The following FBXO24 variants were observed in gnomAD, a reference collection of about 807,000 sequenced individuals.
FBXO24 encodes the protein F-box protein 24.
FBXO24 carries 30 observed loss-of-function variants against 63.5 expected under a neutral mutation model. That is an observed-to-expected ratio of 0.47 (90% confidence interval 0.35 to 0.64). The LOEUF is 0.64. FBXO24 is among the 30% of genes least tolerant of loss of function. The probability of loss-of-function intolerance (pLI) is 0.00; values close to 1 mark genes in which losing one functional copy is unlikely to be tolerated. For missense variants in FBXO24, 624 were observed against 763.4 expected (o/e 0.82, Z 2.15); for synonymous variants, 300 against 305.0 (o/e 0.98, Z 0.17).
chr7:100,586,348 A>T lies in FBXO24; in HGVS notation c.-278A>T. ...AGGATAGAGCGCTCGCCAACGGCCG[A>T]CGCTCCAGGCCGTCCCGCCCAGCGC... is the stretch of plus-strand genomic sequence containing the variant. On this transcript the variant is annotated 5_prime_UTR_variant, in exon 1 of 10. Transcript: ENST00000241071. The T allele has an allele frequency of 1.5e-6, 1 of 647,656 alleles. No homozygotes were observed. The highest frequency in any genetic ancestry group is 2.6e-6 in the Non-Finnish European group (1 of 380,704). The allele number at this position is 647,656 out of a possible 1,614,324, so 40.1% of individuals were successfully genotyped here.
At chr7:100,589,309 G>A in intron 1 of FBXO24, 1 of 886,854 alleles carries the variant, frequency 1.1e-6, no homozygotes. Flanking sequence ...GCTGAAATGT[G>A]AGGAATTCAC....
At chr7:100,598,284 G>C (rs1352566740) in intron 8 of FBXO24, among the ~76,000 whole-genome samples, 2 of 152,202 alleles carry the variant, frequency 1.3e-5, no homozygotes, top group Non-Finnish European at 2.9e-5. Context: ...AATAGTAGAT[G>C]GTGGGATTTC....
At position 100,600,567 on chromosome 7, in the gene FBXO24, AG is replaced by A; in HGVS notation, c.1414del (p.Glu472SerfsTer68). ...PLCACALCATRECLYILSSHD... is the reference protein window; with the variant it reads ...PLCACALCATXECLYILSSHD... The stretch of plus-strand genomic sequence containing the variant: ...GTGTGCCTGTGCCCTCTGTGCCACC[AG>A]GGAGTGCCTATACATCCTGTCCAGC... On this transcript the variant is annotated frameshift_variant, in exon 10 of 10. Transcript: ENST00000241071. LOFTEE classifies it high-confidence loss of function. The surrounding 1 kb of genome is among the most constrained non-coding windows in gnomAD (Gnocchi z 6.3). 1 of 1,586,980 alleles carries A rather than the reference AG, an allele frequency of 6.3e-7. No individual in the cohort carries two copies. Among genetic ancestry groups the A allele is most frequent in the Non-Finnish European group, 8.6e-7 (1 of 1,163,872 alleles).
In FBXO24 at chr7:100,599,916, C is replaced by T. The variant is rs1020532463; in HGVS notation, c.1207-115C>T. On this transcript the variant is annotated intron_variant, in intron 8 of 9. Transcript: ENST00000241071. ...CTGGGGCGTGGGACAGTGCTGGCTCCCATTTCCTCCTCCCCAGTTCATTCT... is the reference window on the plus strand; with the variant it reads ...CTGGGGCGTGGGACAGTGCTGGCTCTCATTTCCTCCTCCCCAGTTCATTCT... The T allele has an allele frequency of 4.1e-6, 5 of 1,219,030 alleles. No individual in the cohort carries two copies. The African/African-American group carries it at 6.0e-5, about 15-fold the overall frequency. The allele number at this position is 1,219,030 out of a possible 1,614,324, so 75.5% of individuals were successfully genotyped here.
intron 3 of FBXO24, 141 bp downstream of exon 3, chr7:100,590,498 A>G (rs988156829): frequency 9.4e-6 from 8 of 854,628 alleles, no homozygotes; most frequent in Non-Finnish European, 1.4e-5. Context: ...GTCCAGTTCA[A>G]ACATTCTCCC....
Position 100,600,267 on chromosome 7 carries a change from G to T in FBXO24, c.1377+66G>T. On this transcript the variant is annotated intron_variant, in intron 9 of 9. Transcript: ENST00000241071. This position sits in a 1 kb window ranked among gnomAD's most constrained non-coding sequence, Gnocchi z 6.3. ...AGAGCCATGAACCAGGAAGCCCACA[G>T]GCTGTAGCTGGGGCTCCTGCAGGGA... 1.4e-6 allele frequency: 2 copies of T among 1,454,082 alleles called. No homozygotes were observed. Among genetic ancestry groups the T allele is most frequent in the Non-Finnish European group, 1.8e-6 (2 of 1,098,696 alleles). The allele number at this position is 1,454,082 out of a possible 1,614,324, so 90.1% of individuals were successfully genotyped here.
Position 100,592,913 on chromosome 7 carries a change from C to A in FBXO24, c.689C>A (p.Ser230Tyr). ...ACDCVEVYLQ[S>Y]SGQRVFKMTF... ...GACTGTGTTGAGGTCTATCTGCAGT[C>A]TAGTGGGCAGCGGGTCTTCAAGATG... is the stretch of plus-strand genomic sequence containing the variant. Residue 230 changes from serine to tyrosine, a missense_variant, in exon 5 of 10, where the codon TCT (serine) becomes TAT (tyrosine). This residue lies in a region of FBXO24 where 391 missense variants were observed against 469.1 expected (regional missense o/e 0.83). Coordinates refer to ENST00000241071, the MANE Select transcript of FBXO24 (RefSeq NM_033506.3). 3.7e-6 allele frequency: 6 copies of A among 1,614,186 alleles called. No individual in the cohort carries two copies. Among genetic ancestry groups the A allele is most frequent in the Non-Finnish European group, 5.1e-6 (6 of 1,180,044 alleles).
At position 100,592,745 on chromosome 7, in the gene FBXO24, A is replaced by C. The variant is rs76128313; in HGVS notation, c.559-38A>C. 2.7e-3 allele frequency: 4,193 copies of C among 1,560,048 alleles called. 102 individuals carry two copies. In the African/African-American group the frequency reaches 0.05, roughly 19 times the overall value. ...GCTGCCCCAGCCCCATCCCATTTTGAAACTCTAGATCCCAGACGCCCTCAT... is the reference window on the plus strand; with the variant it reads ...GCTGCCCCAGCCCCATCCCATTTTGCAACTCTAGATCCCAGACGCCCTCAT... On this transcript the variant is annotated intron_variant, in intron 4 of 9. Coordinates refer to ENST00000241071, the MANE Select transcript of FBXO24 (RefSeq NM_033506.3).
rs765805984 is a variant in FBXO24 at position 100,600,229 on chromosome 7, C to T, written c.1377+28C>T. ...CAGAGCGGGGTCAGGAGAGTGGGCA[C>T]CCAGGGAGGATGAGAGCCATGAACC... On this transcript the variant is annotated intron_variant, in intron 9 of 9. Transcript: ENST00000241071. This position sits in a 1 kb window ranked among gnomAD's most constrained non-coding sequence, Gnocchi z 6.3. 3.2e-5 allele frequency: 48 copies of T among 1,495,156 alleles called. 1 individual carries two copies. The South Asian group carries it at 4.0e-4, about 12-fold the overall frequency. The allele number at this position is 1,495,156 out of a possible 1,614,324, so 92.6% of individuals were successfully genotyped here.
In FBXO24 at chr7:100,586,384, A is replaced by C; in HGVS notation, c.-242A>C. ...CGTCCCGCCCAGCGCAGCTGCACCC[A>C]ATCACAATGCTCAGATCGGGAGGTG... On this transcript the variant is annotated 5_prime_UTR_variant, in exon 1 of 10. Coordinates refer to ENST00000241071, the MANE Select transcript of FBXO24 (RefSeq NM_033506.3). The C allele has an allele frequency of 1.6e-6, 1 of 629,618 alleles. No individual in the cohort carries two copies. The allele number at this position is 629,618 out of a possible 1,614,324, so 39.0% of individuals were successfully genotyped here. A position where few individuals can be genotyped will look rare whatever the true frequency, so the allele number is the denominator to read the frequency against.
chr7:100,600,617 C>T lies in FBXO24; in HGVS notation c.1461C>T (p.Pro487=). 1 of 1,613,596 alleles carries T rather than the reference C, an allele frequency of 6.2e-7. No individual in the cohort carries two copies. Among genetic ancestry groups the T allele is most frequent in the Non-Finnish European group, 8.5e-7 (1 of 1,179,704 alleles). Residue 487 remains proline (P), a synonymous_variant, in exon 10 of 10, where the codon CCC becomes CCT. Coordinates refer to ENST00000241071, the MANE Select transcript of FBXO24 (RefSeq NM_033506.3). The surrounding 1 kb of genome is among the most constrained non-coding windows in gnomAD (Gnocchi z 6.3). ...GCCACGACATTGAGCAGCACGCCCC[C>T]TATCGCCACCTGCCAGCCAGCAGGG... ...LSSHDIEQHA[P]YRHLPASRVV...
At chr7:100,592,485 G>A (rs1325540359) in intron 4 of FBXO24, among the ~76,000 whole-genome samples, 1 of 152,032 alleles carries the variant, frequency 6.6e-6, no homozygotes, top group Non-Finnish European at 1.5e-5. Context: ...AAAACAACAT[G>A]GGGGAAATTG....
At chr7:100,592,261 A>G (rs1293469921) in intron 4 of FBXO24, 2 of 243,052 alleles carry the variant, frequency 8.2e-6, no homozygotes, top group African/African-American at 2.3e-5. Context: ...CTCCGTCTCG[A>G]AAAAAAAAGA....
At chr7:100,596,443 G>A (rs1802313352) in intron 8 of FBXO24, among the ~76,000 whole-genome samples, 1 of 152,182 alleles carries the variant, frequency 6.6e-6, no homozygotes, top group Non-Finnish European at 1.5e-5. Flanking sequence ...GGCATCTTGG[G>A]AATCACTGAG....
In FBXO24 at chr7:100,600,764, G is replaced by A. The variant is rs148604938; in HGVS notation, c.1608G>A (p.Thr536=). The change falls in exon 10 of 10, where the codon ACG becomes ACA. Residue 536 remains threonine, a synonymous_variant. Transcript: ENST00000241071. The surrounding 1 kb of genome is among the most constrained non-coding windows in gnomAD (Gnocchi z 6.3). The part of the protein sequence containing the change: ...IHSCQTLQDR[T]EKMKEIVGWM... ...GTTGCCAAACGTTGCAGGACCGCAC[G>A]GAGAAGATGAAGGAGATCGTAGGGT... is the stretch of plus-strand genomic sequence containing the variant. 3.2e-4 allele frequency: 510 copies of A among 1,614,158 alleles called. 8 individuals are homozygous for A. The East Asian group carries it at 0.011, about 34-fold the overall frequency.
intron 4 of FBXO24, 140 bp downstream of exon 4, chr7:100,592,042 G>A: frequency 2.5e-6 from 2 of 787,806 alleles, no homozygotes; most frequent in South Asian, 1.7e-5. Context: ...AGGCGGATCA[G>A]CTGAGACCAG....
rs1802176775 is a variant in FBXO24 at position 100,594,171 on chromosome 7, TTC to T, written c.794-206_794-205del. ...GGATTCTAACAAATCTGCTAGATTTTTCTCTCTGCTCATCTCTCATGCTGAAG... is the reference window on the plus strand; with the variant it reads ...GGATTCTAACAAATCTGCTAGATTTTTCTCTGCTCATCTCTCATGCTGAAG... On this transcript the variant is annotated intron_variant, in intron 5 of 9. Coordinates refer to ENST00000241071, the MANE Select transcript of FBXO24 (RefSeq NM_033506.3). This position sits in a 1 kb window ranked among gnomAD's most constrained non-coding sequence, Gnocchi z 4.2. 6.6e-6 allele frequency among the ~76,000 whole-genome samples: 1 copy of T among 152,300 alleles called. No individual in the cohort carries two copies. The highest frequency in any genetic ancestry group is 2.4e-5 in the African/African-American group (1 of 41,552).
intron 4 of FBXO24, 178 bp downstream of exon 4, chr7:100,592,080 C>T (rs1394985656): frequency 1.7e-5 from 10 of 584,416 alleles, no homozygotes; most frequent in Non-Finnish European, 3.0e-5. Flanking sequence ...GGCCAAATGG[C>T]GAAACCCGTC....
At position 100,590,258 on chromosome 7, in the gene FBXO24, G is replaced by T; in HGVS notation, c.223G>T (p.Gly75Trp). Residue 75 changes from glycine to tryptophan, a missense_variant, in exon 3 of 10, where the codon GGG becomes TGG. By Grantham distance (184) the Gly-to-Trp change is radical (BLOSUM62 -2). Transcript: ENST00000241071. ...TCRYFHEVCD[G>W]EGVWRRICRR... ...CCGCTACTTCCACGAAGTGTGCGAT[G>T]GGGAAGGCGTGTGGAGACGCATCTG... is the stretch of plus-strand genomic sequence containing the variant. The T allele has an allele frequency of 1.2e-6, 2 of 1,614,168 alleles. No individual in the cohort carries two copies. Among genetic ancestry groups the T allele is most frequent in the Non-Finnish European group, 1.7e-6 (2 of 1,180,018 alleles).
Sources: gnomAD v4.1 joint callset for allele counts (sites outside exome capture counted in the v4.1 genomes callset) on GRCh38, gnomAD v4.1.1 for gene constraint, gnomAD v4.1.1 regional missense constraint, Gnocchi (gnomAD v3.1) non-coding constraint, MANE v1.5 for transcripts, NCBI Gene and HGNC (gene_info 2026-07-23, HGNC 2026-07-21) for gene names.